The following CACNA2D1 variants were observed in gnomAD, a reference collection of about 807,000 sequenced individuals.
CACNA2D1 encodes the protein voltage-dependent calcium channel subunit alpha-2/delta-1.
Under a neutral mutation model 171.5 loss-of-function variants are expected in CACNA2D1, and 53 were observed. The ratio of observed to expected loss-of-function variants is 0.31; its 90% confidence interval spans 0.25 to 0.39. CACNA2D1 has a LOEUF of 0.39. CACNA2D1 is among the 10% of genes least tolerant of loss of function. The probability of loss-of-function intolerance (pLI) is 1.00; values close to 1 mark genes in which losing one functional copy is unlikely to be tolerated. For synonymous variants in CACNA2D1, 442 were observed against 443.1 expected (o/e 1.00, Z 0.03); for missense variants, 903 against 1,299.8 (o/e 0.69, Z 4.69).
rs1000292633 is a variant in CACNA2D1 at position 81,984,800 on chromosome 7, C to A, written c.1797-89G>T. 6.7e-6 allele frequency: 5 copies of A among 746,482 alleles called. No individual in the cohort carries two copies. The African/African-American group carries it at 8.7e-5, about 13-fold the overall frequency. The allele number at this position is 746,482 out of a possible 1,614,324, so 46.2% of individuals were successfully genotyped here. A position where few individuals can be genotyped will look rare whatever the true frequency, so the allele number is the denominator to read the frequency against. On this transcript the variant is annotated intron_variant, in intron 21 of 38. Transcript: ENST00000356860. ...AGACACATCAAGTTCATGGGAAAAT[C>A]GAAAGATCTTCCTCATGGGAAGGAA...
chr7:82,375,206 G>A (rs948876927), intron 1 of CACNA2D1, among the ~76,000 whole-genome samples: 10 of 151,980 alleles, frequency 6.6e-5, no homozygotes, highest in South Asian at 2.1e-4. Context: ...ACATACACAC[G>A]CATGCACACA....
chr7:82,427,535 A>T (rs1448091098), intron 1 of CACNA2D1, among the ~76,000 whole-genome samples: 1 of 152,200 alleles, frequency 6.6e-6, no homozygotes, highest in Non-Finnish European at 1.5e-5. Context: ...TCACCTGATT[A>T]GACTGTTATC....
chr7:82,298,127 A>G (rs1296450119), intron 3 of CACNA2D1, among the ~76,000 whole-genome samples: 1 of 152,198 alleles, frequency 6.6e-6, no homozygotes, highest in East Asian at 1.9e-4. Flanking sequence ...ATTATTGAGT[A>G]ATATTTAGTA....
chr7:82,060,436 C>A lies in CACNA2D1; in HGVS notation c.871G>T (p.Val291Leu). Residue 291 changes from valine to leucine, a missense_variant, in exon 10 of 39, where the codon GTA becomes TTA. Physicochemically the swap from Val to Leu is conservative, Grantham distance 32. Transcript: ENST00000356860. ...AGTCATCTTATACTTACTGAAGCTA[C>A]ATTCACGAAATCATCATCTGAGAGG... ...ETLSDDDFVNVASFNSNAQDV... is the reference protein window; with the variant it reads ...ETLSDDDFVNLASFNSNAQDV... 1 of 1,602,506 alleles carries A rather than the reference C, an allele frequency of 6.2e-7. No homozygotes were observed.
intron 1 of CACNA2D1, among the ~76,000 whole-genome samples, chr7:82,405,449 C>T (rs1826922487): frequency 6.6e-6 from 1 of 152,040 alleles, no homozygotes; most frequent in Non-Finnish European, 1.5e-5. Context: ...TACTTTACTT[C>T]TAAGTAAAGA....
intron 3 of CACNA2D1, among the ~76,000 whole-genome samples, chr7:82,299,927 G>C (rs1002441118): frequency 2.0e-5 from 3 of 152,162 alleles, no homozygotes; most frequent in Non-Finnish European, 4.4e-5. Flanking sequence ...CAGGAACGAT[G>C]TTAGGCCCAA....
rs536863663 is a variant in CACNA2D1, at chr7:82,133,836, G to A, written c.396+2799C>T. On this transcript the variant is annotated intron_variant, in intron 5 of 38. Coordinates refer to ENST00000356860, the MANE Select transcript of CACNA2D1 (RefSeq NM_000722.4). ...GCCTGTAATCCCAGCACTTTGGGAGGCCGAAGCGGGTGGATCAGGAGGTCA... is the reference window on the plus strand; with the variant it reads ...GCCTGTAATCCCAGCACTTTGGGAGACCGAAGCGGGTGGATCAGGAGGTCA... 2.9e-3 allele frequency among the ~76,000 whole-genome samples: 448 copies of A among 152,292 alleles called. 5 individuals carry two copies. Among genetic ancestry groups the A allele is most frequent in the South Asian group, 0.028 (136 of 4,828 alleles).
chr7:82,188,474 A>G (rs1159697418), intron 3 of CACNA2D1, among the ~76,000 whole-genome samples: 1 of 152,070 alleles, frequency 6.6e-6, no homozygotes, highest in East Asian at 1.9e-4. Context: ...CGGTAATATA[A>G]TATTAAAAAG....
At chr7:81,967,550 T>G in intron 30 of CACNA2D1, 46 bp downstream of exon 30, 1 of 1,026,020 alleles carries the variant, frequency 9.7e-7, no homozygotes, top group East Asian at 2.6e-5. Context: ...CTATTGAATT[T>G]TGAAAACATT....
At chr7:82,184,547 G>A (rs80112535) in intron 3 of CACNA2D1, among the ~76,000 whole-genome samples, 5,306 of 151,982 alleles carry the variant, frequency 0.035, 181 homozygotes, top group East Asian at 0.11. Flanking sequence ...TCCAGTAACT[G>A]ACATTATCAA....
chr7:82,087,111 A>T (rs1419065840), intron 6 of CACNA2D1, among the ~76,000 whole-genome samples: 2 of 152,172 alleles, frequency 1.3e-5, no homozygotes, highest in Non-Finnish European at 2.9e-5. Context: ...ACTCAGAATG[A>T]AAGTATTGGC....
rs200905974 is a variant in CACNA2D1 at position 82,443,489 on chromosome 7, C to T, written c.-30G>A. 4 of 1,601,548 alleles carry T rather than the reference C, an allele frequency of 2.5e-6. No individual in the cohort carries two copies. The highest frequency in any genetic ancestry group is 4.5e-5 in the East Asian group (2 of 44,100). On this transcript the variant is annotated 5_prime_UTR_variant, in exon 1 of 39. Coordinates refer to ENST00000356860, the MANE Select transcript of CACNA2D1 (RefSeq NM_000722.4). ...GCGATCGAAGATCAATGCCCCCTCC[C>T]TGCCCAAGCGGGGGAAGGAGCGGCG...
At chr7:82,381,105 G>A (rs1244291590) in intron 1 of CACNA2D1, among the ~76,000 whole-genome samples, 2 of 151,964 alleles carry the variant, frequency 1.3e-5, no homozygotes, top group East Asian at 3.9e-4. Context: ...GAGGTCAGGA[G>A]ATCGAGACCA....
intron 3 of CACNA2D1, among the ~76,000 whole-genome samples, chr7:82,276,398 G>A (rs1009199399): frequency 5.9e-5 from 9 of 152,074 alleles, no homozygotes; most frequent in African/African-American, 1.2e-4. Context: ...AACTAATGAC[G>A]TAGAGAAGCA....
At chr7:82,261,293 T>C (rs982195256) in intron 3 of CACNA2D1, among the ~76,000 whole-genome samples, 3 of 152,176 alleles carry the variant, frequency 2.0e-5, no homozygotes, top group Non-Finnish European at 4.4e-5. Flanking sequence ...ACCTGGATGC[T>C]ATAGAAGACA....
intron 3 of CACNA2D1, among the ~76,000 whole-genome samples, chr7:82,229,712 A>ATTTTATTTTAT (rs1554472428): frequency 1.8e-5 from 1 of 54,726 alleles, no homozygotes; most frequent in Non-Finnish European, 4.3e-5. Context: ...TTTTATTTTA[A>ATTTTATTTTAT]TATTGACAGG....
chr7:82,433,470 T>C (rs867852571), intron 1 of CACNA2D1, among the ~76,000 whole-genome samples: 2 of 152,212 alleles, frequency 1.3e-5, no homozygotes, highest in African/African-American at 4.8e-5. Flanking sequence ...AAATCATTCC[T>C]CTAAAAACAT....
chr7:81,979,982 G>T (rs982198190), intron 24 of CACNA2D1, among the ~76,000 whole-genome samples: 24 of 151,642 alleles, frequency 1.6e-4, no homozygotes, highest in Non-Finnish European at 2.6e-4. Flanking sequence ...TGCTCCCCAA[G>T]AGAAATAGAG....
chr7:82,410,646 G>C (rs1314886722), intron 1 of CACNA2D1: 1 of 306,360 alleles, frequency 3.3e-6, no homozygotes, highest in African/African-American at 2.3e-5. Flanking sequence ...CTGAGCAGGC[G>C]CGTAAGGGCA....
Sources: allele counts gnomAD v4.1 joint callset (sites outside exome capture counted in the v4.1 genomes callset), GRCh38; gene constraint gnomAD v4.1.1; transcripts MANE v1.5; gene names NCBI Gene and HGNC (gene_info 2026-07-23, HGNC 2026-07-21).